Variants in INSL6 observed in about 807,000 individuals in gnomAD.
The protein encoded by INSL6 is insulin-like peptide INSL6.
Under a neutral mutation model 9.4 loss-of-function variants are expected in INSL6, and 16 were observed. That is an observed-to-expected ratio of 1.70 (90% CI 1.15 to 2.59). The LOEUF is 2.59. Ranked by LOEUF, INSL6 falls within the 30% of genes most tolerant of loss-of-function variation. The probability of loss-of-function intolerance (pLI) is 0.00; values close to 1 mark genes in which losing one functional copy is unlikely to be tolerated. For synonymous variants in INSL6, 154 were observed against 96.9 expected, an observed-to-expected ratio of 1.59 and a Z score of -3.46; for missense variants, 391 against 257.3, an observed-to-expected ratio of 1.52 and a Z score of -3.56.
chr9:5,069,004 A>C, the INSL6 span: 3 of 1,448,006 alleles, frequency 2.1e-6, no homozygotes, highest in East Asian at 6.9e-5. Context: ...CCCTTTCTTT[A>C]TAATTAAACT....
chr9:5,047,850 C>T, the INSL6 span, among the ~76,000 whole-genome samples: 1 of 152,056 alleles, frequency 6.6e-6, no homozygotes, highest in Admixed American at 6.6e-5. Flanking sequence ...ATCCTCCTAC[C>T]TCAGCCTCCC....
intron 1 of INSL6, among the ~76,000 whole-genome samples, chr9:5,168,983 T>C (rs1010123716): frequency 1.2e-4 from 18 of 151,788 alleles, no homozygotes; most frequent in Non-Finnish European, 2.4e-4. Flanking sequence ...TGGAGTACAA[T>C]GGCATCATCT....
the INSL6 span, among the ~76,000 whole-genome samples, chr9:4,996,955 G>A: frequency 8.1e-6 from 1 of 123,748 alleles, no homozygotes; most frequent in African/African-American, 3.1e-5. Context: ...TTTTTGAGAT[G>A]GTTTCACTGT....
chr9:5,120,356 T>C (rs201313934), downstream of INSL6, among the ~76,000 whole-genome samples: 2 of 152,224 alleles, frequency 1.3e-5, no homozygotes, highest in Non-Finnish European at 2.9e-5. Context: ...AGGAGACACA[T>C]AGCAAACACT....
chr9:5,172,160 G>A (rs1825196835), intron 1 of INSL6, among the ~76,000 whole-genome samples: 1 of 152,100 alleles, frequency 6.6e-6, no homozygotes, highest in Non-Finnish European at 1.5e-5. Context: ...TAGAATTTCT[G>A]TTCCAGAACT....
the INSL6 span, chr9:5,040,901 C>T: frequency 6.5e-6 from 2 of 306,332 alleles, no homozygotes; most frequent in Non-Finnish European, 1.2e-5. Flanking sequence ...GAAGCCTGGC[C>T]GGCCACCCAG....
At chr9:5,067,921 A>G in the INSL6 span, among the ~76,000 whole-genome samples, 3 of 152,172 alleles carry the variant, frequency 2.0e-5, no homozygotes, top group Non-Finnish European at 4.4e-5. Flanking sequence ...TAGGAGGCCA[A>G]GGCGGGTGGA....
chr9:5,000,454 G>T, the INSL6 span, among the ~76,000 whole-genome samples: 1 of 152,222 alleles, frequency 6.6e-6, no homozygotes, highest in East Asian at 1.9e-4. Context: ...TAGTTTAAAG[G>T]AATGATTCAA....
chr9:5,073,776 G>C, the INSL6 span: 1 of 1,601,934 alleles, frequency 6.2e-7, no homozygotes, highest in Admixed American at 1.7e-5. Flanking sequence ...ATGTGTCTGT[G>C]GAGACGAGAG....
chr9:5,001,384 A>C, the INSL6 span, among the ~76,000 whole-genome samples: 2 of 152,082 alleles, frequency 1.3e-5, no homozygotes, highest in Non-Finnish European at 2.9e-5. Flanking sequence ...ATTTCCAGAA[A>C]TTTTATCATG....
chr9:5,073,814 C>G, the INSL6 span: 7 of 1,369,026 alleles, frequency 5.1e-6, no homozygotes, highest in Non-Finnish European at 6.2e-6. Flanking sequence ...TTTCTAATGC[C>G]TTTCTCAGAG....
the INSL6 span, chr9:5,041,506 C>A: frequency 1.8e-6 from 1 of 570,628 alleles, no homozygotes; most frequent in Non-Finnish European, 3.4e-6. Flanking sequence ...ATCGGGGACA[C>A]ATAGCGCGCC....
the INSL6 span, chr9:5,113,424 T>TAAAAAA: frequency 8.8e-6 from 1 of 114,134 alleles, no homozygotes; most frequent in Admixed American, 8.5e-5. Context: ...ATTAGTTATT[T>TAAAAAA]AAAAAAAAAA....
At chr9:5,128,080 TTGTGTG>T (rs139964957) in intron 3 of INSL6, 86,634 of 223,968 alleles carry the variant, frequency 0.39, 12,893 homozygotes, top group South Asian at 0.45. Context: ...ATGGTGGGTT[TTGTGTG>T]TGTGTGTGTG....
chr9:5,185,212 C>T, intron 1 of INSL6, 102 bp downstream of exon 1: 2 of 1,444,164 alleles, frequency 1.4e-6, no homozygotes, highest in Non-Finnish European at 1.9e-6. Flanking sequence ...GTGTACTAGG[C>T]ACAAATTCCA....
intron 2 of INSL6, among the ~76,000 whole-genome samples, chr9:5,147,707 G>C (rs1223417210): frequency 6.6e-6 from 1 of 152,120 alleles, no homozygotes; most frequent in African/African-American, 2.4e-5. Flanking sequence ...TGTAAATTTA[G>C]TTTCTTTACA....
chr9:5,034,208 G>A, the INSL6 span, among the ~76,000 whole-genome samples: 1 of 152,130 alleles, frequency 6.6e-6, no homozygotes, highest in South Asian at 2.1e-4. Context: ...AAATATATAT[G>A]CACCCAATAC....
the INSL6 span, among the ~76,000 whole-genome samples, chr9:5,021,373 G>A: frequency 6.6e-6 from 1 of 152,160 alleles, no homozygotes; most frequent in African/African-American, 2.4e-5. Context: ...TCTGTTGTCT[G>A]TAACTGAGTT....
chr9:5,163,938 G>C lies in INSL6; in HGVS notation c.617C>G (p.Ser206Ter), dbSNP rs1395278205. 1 of 1,603,574 alleles carries C rather than the reference G, an allele frequency of 6.2e-7. No individual in the cohort carries two copies. Among genetic ancestry groups the C allele is most frequent in the East Asian group, 2.2e-5 (1 of 44,798 alleles). ...TTAGTATATCTTAGTTACAAGTGAT[G>C]ATCTTTTTTCCTTTAGCCTTTTAAA... ...IDFKRLKEKR[S>*]SLVTKIY Residue 206 changes from serine to a stop codon, truncating the protein, a stop_gained, in exon 2 of 2, where the codon TCA becomes TGA. Transcript: ENST00000381641. LOFTEE classifies it high-confidence loss of function.
Sources: allele counts gnomAD v4.1 joint callset (sites outside exome capture counted in the v4.1 genomes callset), GRCh38; gene constraint gnomAD v4.1.1; transcripts MANE v1.5; gene names NCBI Gene and HGNC (gene_info 2026-07-23, HGNC 2026-07-21).